Variants in FYN observed in about 807,000 individuals in gnomAD.
FYN encodes the protein FYN proto-oncogene, Src family tyrosine kinase, also known as tyrosine-protein kinase Fyn.
Under a neutral mutation model 70.2 loss-of-function variants are expected in FYN, and 10 were observed. The ratio of observed to expected loss-of-function variants is 0.14; its 90% CI spans 0.09 to 0.24. The LOEUF is 0.24. FYN is among the 10% of genes least tolerant of loss of function. The pLI, the probability that FYN is intolerant of heterozygous loss-of-function variation, is 1.00. For missense variants in FYN, 319 were observed against 673.1 expected (o/e 0.47, Z 5.82); for synonymous variants, 236 against 248.6 (o/e 0.95, Z 0.48).
intron 1 of FYN, among the ~76,000 whole-genome samples, chr6:111,871,843 G>C (rs961545372): frequency 3.3e-5 from 5 of 152,180 alleles, no homozygotes; most frequent in African/African-American, 1.2e-4. Context: ...CACTGCAGCT[G>C]CCAGTCAACA....
At chr6:111,826,960 G>A (rs1271619351) in intron 2 of FYN, among the ~76,000 whole-genome samples, 2 of 152,094 alleles carry the variant, frequency 1.3e-5, no homozygotes, top group Non-Finnish European at 2.9e-5. Context: ...AAATTGAGGC[G>A]CTGTGAGGGG....
chr6:111,850,848 C>A (rs1773665428), intron 1 of FYN, among the ~76,000 whole-genome samples: 1 of 152,196 alleles, frequency 6.6e-6, no homozygotes. Context: ...GGGTTAGGCG[C>A]CTGAGACAGG....
chr6:111,864,796 G>T (rs931013745), intron 1 of FYN, among the ~76,000 whole-genome samples: 7 of 152,198 alleles, frequency 4.6e-5, no homozygotes, highest in African/African-American at 1.7e-4. Context: ...AAAGAGTTTA[G>T]CAGTCACACA....
At chr6:111,835,273 A>T (rs1773143912) in intron 2 of FYN, among the ~76,000 whole-genome samples, 1 of 152,234 alleles carries the variant, frequency 6.6e-6, no homozygotes, top group Non-Finnish European at 1.5e-5. Context: ...TTTCTTAAAA[A>T]ATGTTTCACA....
chr6:111,707,980 C>G lies in FYN; in HGVS notation c.385G>C (p.Glu129Gln), dbSNP rs370983835. Residue 129 changes from glutamate to glutamine, a missense_variant, in exon 6 of 14, where the codon GAG becomes CAG. Physicochemically the swap from Glu to Gln is conservative, Grantham distance 29 (BLOSUM62 2). This residue lies in a region of FYN where 128 missense variants were observed against 183.9 expected (regional missense o/e 0.70). Transcript: ENST00000354650. ...WWEARSLTTGETGYIPSNYVA... is the reference protein window; with the variant it reads ...WWEARSLTTGQTGYIPSNYVA... ...TAATTGCTGGGAATGTAACCTGTCT[C>G]TCCAGTTGTCAAGGAGCGGGCTTCC... The G allele has an allele frequency of 6.2e-7, 1 of 1,613,994 alleles. No homozygotes were observed. Among genetic ancestry groups the G allele is most frequent in the Non-Finnish European group, 8.5e-7 (1 of 1,179,970 alleles).
intron 1 of FYN, among the ~76,000 whole-genome samples, chr6:111,870,327 G>C (rs1267162268): frequency 6.6e-6 from 1 of 152,194 alleles, no homozygotes; most frequent in African/African-American, 2.4e-5. Context: ...GTGGGACCCA[G>C]AGTCACTGCA....
intron 2 of FYN, among the ~76,000 whole-genome samples, chr6:111,804,821 T>C (rs1458444533): frequency 6.6e-6 from 1 of 152,194 alleles, no homozygotes; most frequent in African/African-American, 2.4e-5. Flanking sequence ...TGTAATATAA[T>C]AGAAAGAACT....
intron 13 of FYN, among the ~76,000 whole-genome samples, chr6:111,665,746 T>C (rs555659305): frequency 6.6e-6 from 1 of 151,890 alleles, no homozygotes; most frequent in African/African-American, 2.4e-5. Context: ...CTCAGCCTCC[T>C]GAGTAGCTGG....
Position 111,694,825 on chromosome 6 carries a change from G to C in FYN, c.1043-121C>G. 3 of 787,612 alleles carry C rather than the reference G, an allele frequency of 3.8e-6. No individual in the cohort carries two copies. The highest frequency in any genetic ancestry group is 1.8e-5 in the South Asian group (1 of 54,170). The allele number at this position is 787,612 out of a possible 1,614,324, so 48.8% of individuals were successfully genotyped here. A position where few individuals can be genotyped will look rare whatever the true frequency, so the allele number is the denominator to read the frequency against. On this transcript the variant is annotated intron_variant, in intron 10 of 13. Transcript: ENST00000354650. This position sits in a 1 kb window ranked among gnomAD's most constrained non-coding sequence, Gnocchi z 5.0. ...TCAAATGGAATAATGCCATCCACAT[G>C]GGGGGACAAAAAGGTTTATATAAAA...
intron 2 of FYN, among the ~76,000 whole-genome samples, chr6:111,786,450 A>G (rs945088699): frequency 6.6e-6 from 1 of 152,194 alleles, no homozygotes; most frequent in African/African-American, 2.4e-5. Context: ...TTCTTCATCC[A>G]GTCTATCATT....
At chr6:111,666,879 C>T (rs968509760) in intron 13 of FYN, among the ~76,000 whole-genome samples, 4 of 152,252 alleles carry the variant, frequency 2.6e-5, no homozygotes, top group Non-Finnish European at 4.4e-5. Context: ...CCCAGAGCCT[C>T]CATGGAACAT....
chr6:111,739,797 T>C (rs549624706), intron 3 of FYN, among the ~76,000 whole-genome samples: 3 of 152,318 alleles, frequency 2.0e-5, no homozygotes, highest in South Asian at 2.1e-4. Flanking sequence ...AAATTACTGA[T>C]AGAAAGTTAC....
intron 4 of FYN, among the ~76,000 whole-genome samples, chr6:111,716,903 G>A (rs1000066242): frequency 4.6e-5 from 7 of 151,358 alleles, no homozygotes; most frequent in African/African-American, 1.5e-4. Flanking sequence ...TCCTGCCTCA[G>A]CCTCCCGAGT....
intron 13 of FYN, among the ~76,000 whole-genome samples, chr6:111,662,340 G>A (rs1797781844): frequency 6.6e-6 from 1 of 152,226 alleles, no homozygotes; most frequent in African/African-American, 2.4e-5. Flanking sequence ...TGTTCTGTCA[G>A]GGTCAACGGG....
chr6:111,735,323 T>A (rs1383962075), intron 3 of FYN, among the ~76,000 whole-genome samples: 2 of 152,182 alleles, frequency 1.3e-5, no homozygotes, highest in Admixed American at 1.3e-4. Context: ...TGAGAAGCAG[T>A]CAGAAGCCAA....
In FYN at chr6:111,800,614, T is replaced by G. The variant is rs188650773; in HGVS notation, c.-81-19979A>C. 3.9e-5 allele frequency among the ~76,000 whole-genome samples: 6 copies of G among 152,332 alleles called. 1 individual carries two copies. Among genetic ancestry groups the G allele is most frequent in the Admixed American group, 3.9e-4 (6 of 15,308 alleles). ...CATCCCATTTTTTTCTGAGCTTAAGTTAATACTATTCACTGGCTTACAAAA... is the reference window on the plus strand; with the variant it reads ...CATCCCATTTTTTTCTGAGCTTAAGGTAATACTATTCACTGGCTTACAAAA... On this transcript the variant is annotated intron_variant, in intron 2 of 13. Coordinates refer to ENST00000354650, the MANE Select transcript of FYN (RefSeq NM_002037.5).
chr6:111,800,377 C>A (rs547061411), intron 2 of FYN, among the ~76,000 whole-genome samples: 6 of 152,236 alleles, frequency 3.9e-5, no homozygotes, highest in African/African-American at 1.4e-4. Flanking sequence ...AGAAACAAGG[C>A]TCTACAGCTT....
Position 111,868,257 on chromosome 6 carries a change from CG to C in FYN, c.-123+4710del, listed in dbSNP as rs545395180. 1.2e-4 allele frequency among the ~76,000 whole-genome samples: 19 copies of C among 152,186 alleles called. 1 individual carries two copies. In the South Asian group the frequency reaches 3.9e-3, roughly 32 times the overall value. On this transcript the variant is annotated intron_variant, in intron 1 of 13. Coordinates refer to ENST00000354650, the MANE Select transcript of FYN (RefSeq NM_002037.5). ...TGCAAAACTAGCAAGTAAGTTCCTT[CG>C]GGACAGGATCACATCTCTTTTGCCT... is the stretch of plus-strand genomic sequence containing the variant.
At chr6:111,860,561 T>G (rs1468282884) in intron 1 of FYN, among the ~76,000 whole-genome samples, 2 of 152,184 alleles carry the variant, frequency 1.3e-5, no homozygotes, top group African/African-American at 4.8e-5. Flanking sequence ...CACCCCAGAT[T>G]AGGGACTCTT....
Sources: allele counts gnomAD v4.1 joint callset (sites outside exome capture counted in the v4.1 genomes callset), GRCh38; gene constraint gnomAD v4.1.1; regional missense constraint gnomAD v4.1.1; non-coding constraint Gnocchi (gnomAD v3.1); transcripts MANE v1.5; gene names NCBI Gene and HGNC (gene_info 2026-07-23, HGNC 2026-07-21).